CNTN5: variants seen among roughly 807,000 people sequenced by gnomAD.
The protein encoded by CNTN5 is contactin 5.
In CNTN5, 77 loss-of-function variants were observed where a neutral mutation model predicts 129.1. That is an observed-to-expected ratio of 0.60 (90% CI 0.50 to 0.72). The LOEUF (loss-of-function observed/expected upper bound fraction) is 0.72. CNTN5 is among the 30% of genes least tolerant of loss of function. The pLI, the probability that CNTN5 is intolerant of heterozygous loss-of-function variation, is 0.00. For missense variants in CNTN5, 1,478 were observed against 1,328.8 expected, an observed-to-expected ratio of 1.11 and a Z score of -1.75; for synonymous variants, 509 against 465.6, an observed-to-expected ratio of 1.09 and a Z score of -1.20.
chr11:99,765,286 C>T (rs1944715187), intron 3 of CNTN5, among the ~76,000 whole-genome samples: 1 of 151,814 alleles, frequency 6.6e-6, no homozygotes. Context: ...ATGTTACTTA[C>T]TCTAAAGTCC....
At chr11:99,898,425 G>A (rs1236766075) in intron 6 of CNTN5, among the ~76,000 whole-genome samples, 60 of 152,014 alleles carry the variant, frequency 3.9e-4, no homozygotes, top group Admixed American at 3.9e-3. Flanking sequence ...TCAGAGACTA[G>A]TATGATCACC....
intron 10 of CNTN5, among the ~76,000 whole-genome samples, chr11:100,068,952 T>C (rs781238469): frequency 6.6e-6 from 1 of 152,142 alleles, no homozygotes; most frequent in Non-Finnish European, 1.5e-5. Context: ...AAATAGGACA[T>C]GTTTGTTTGA....
At chr11:99,556,798 A>T (rs1948689525) in intron 3 of CNTN5, among the ~76,000 whole-genome samples, 1 of 150,530 alleles carries the variant, frequency 6.6e-6, no homozygotes, top group Non-Finnish European at 1.5e-5. Flanking sequence ...ATTTTTTCAG[A>T]TTGTCTCACC....
At chr11:99,753,713 G>T (rs1302369179) in intron 3 of CNTN5, among the ~76,000 whole-genome samples, 4 of 119,446 alleles carry the variant, frequency 3.3e-5, no homozygotes, top group African/African-American at 1.3e-4. Context: ...TTTTGAGACA[G>T]AGTCTCAGTC....
intron 21 of CNTN5, 116 bp from the exon 22 acceptor site, chr11:100,340,347 G>A (rs1322572987): frequency 1.5e-6 from 1 of 680,500 alleles, no homozygotes; most frequent in Non-Finnish European, 2.5e-6. Context: ...TGATATAGGA[G>A]TGATTTCTTC....
At chr11:99,036,853 C>T (rs1008497301) in intron 1 of CNTN5, among the ~76,000 whole-genome samples, 5 of 152,084 alleles carry the variant, frequency 3.3e-5, no homozygotes, top group Non-Finnish European at 7.4e-5. Context: ...TTTTATTTGA[C>T]CTATGGTTCC....
intron 3 of CNTN5, among the ~76,000 whole-genome samples, chr11:99,680,297 T>C (rs1348297436): frequency 6.6e-6 from 1 of 152,148 alleles, no homozygotes; most frequent in African/African-American, 2.4e-5. Flanking sequence ...GATGCCTGGC[T>C]TCAAAGCTTC....
intron 15 of CNTN5, among the ~76,000 whole-genome samples, chr11:100,217,109 C>G (rs982166796): frequency 4.6e-5 from 7 of 152,182 alleles, no homozygotes; most frequent in African/African-American, 1.4e-4. Flanking sequence ...GTACTATTAC[C>G]TATTTCAACA....
At chr11:99,528,886 A>AAACC (rs1947589482) in intron 2 of CNTN5, among the ~76,000 whole-genome samples, 1 of 136,404 alleles carries the variant, frequency 7.3e-6, no homozygotes, top group Admixed American at 7.6e-5. Context: ...CAACATGGAG[A>AAACC]AACCCCGTTT....
intron 3 of CNTN5, among the ~76,000 whole-genome samples, chr11:99,634,405 AGGTGTTTG>A (rs1479991703): frequency 2.6e-5 from 4 of 152,180 alleles, no homozygotes; most frequent in Non-Finnish European, 5.9e-5. Context: ...GAAATTCTGA[AGGTGTTTG>A]ATTATTGCTG....
At chr11:100,285,803 G>C (rs980453099) in intron 18 of CNTN5, among the ~76,000 whole-genome samples, 1 of 152,198 alleles carries the variant, frequency 6.6e-6, no homozygotes, top group Non-Finnish European at 1.5e-5. Flanking sequence ...CAGCGTGAGC[G>C]ACGCAGAAGA....
At chr11:99,661,286 A>G (rs897934525) in intron 3 of CNTN5, among the ~76,000 whole-genome samples, 5 of 152,188 alleles carry the variant, frequency 3.3e-5, no homozygotes, top group Admixed American at 1.3e-4. Flanking sequence ...AGTTTAAACT[A>G]TATTTTCTGA....
chr11:99,927,767 A>T (rs1375859215), intron 7 of CNTN5, among the ~76,000 whole-genome samples: 1 of 152,122 alleles, frequency 6.6e-6, no homozygotes, highest in Non-Finnish European at 1.5e-5. Flanking sequence ...GACACAGCCA[A>T]ATCATATTAT....
chr11:99,699,955 G>C (rs1040636923), intron 3 of CNTN5, among the ~76,000 whole-genome samples: 10 of 151,354 alleles, frequency 6.6e-5, no homozygotes, highest in African/African-American at 2.4e-4. Flanking sequence ...TAACACAGCA[G>C]CCTGGCACAT....
At chr11:99,833,084 A>G (rs1947195926) in intron 4 of CNTN5, among the ~76,000 whole-genome samples, 1 of 152,214 alleles carries the variant, frequency 6.6e-6, no homozygotes, top group Non-Finnish European at 1.5e-5. Flanking sequence ...AACAATCGAA[A>G]CAGTGATCCA....
At chr11:100,043,596 A>G (rs1291695791) in intron 9 of CNTN5, among the ~76,000 whole-genome samples, 1 of 152,116 alleles carries the variant, frequency 6.6e-6, no homozygotes, top group Non-Finnish European at 1.5e-5. Flanking sequence ...ATACCAAACT[A>G]TGTAAAGTTC....
chr11:100,302,223 C>T (rs1370584447), intron 20 of CNTN5, among the ~76,000 whole-genome samples: 2 of 151,430 alleles, frequency 1.3e-5, no homozygotes, highest in Non-Finnish European at 3.0e-5. Flanking sequence ...AAAAATTAAA[C>T]CATTTTAAAA....
chr11:100,206,045 A>T (rs1948904792), intron 15 of CNTN5, among the ~76,000 whole-genome samples: 1 of 152,072 alleles, frequency 6.6e-6, no homozygotes, highest in Admixed American at 6.6e-5. Context: ...ACTGTCTTTG[A>T]GGGTCAGTCT....
intron 1 of CNTN5, among the ~76,000 whole-genome samples, chr11:99,096,582 C>A (rs1034359718): frequency 5.3e-5 from 8 of 151,838 alleles, no homozygotes; most frequent in African/African-American, 1.4e-4. Context: ...ATAGGAAAAA[C>A]AAGTGGTAAA....
Sources: gnomAD v4.1 joint callset for allele counts (sites outside exome capture counted in the v4.1 genomes callset) on GRCh38, gnomAD v4.1.1 for gene constraint, MANE v1.5 for transcripts, NCBI Gene and HGNC (gene_info 2026-07-23, HGNC 2026-07-21) for gene names.